Variants in NTN1 observed in about 807,000 individuals in gnomAD.
NTN1 encodes netrin 1.
NTN1 carries 11 observed loss-of-function variants against 54.2 expected under a neutral mutation model. The ratio of observed to expected loss-of-function variants is 0.20; its 90% confidence interval spans 0.13 to 0.34. The LOEUF (loss-of-function observed/expected upper bound fraction) is 0.34, where lower values mean the gene tolerates loss of function less well. Among genes scored for constraint, NTN1 ranks in the 10% least tolerant of loss-of-function variants. The probability of loss-of-function intolerance (pLI) is 1.00; values close to 1 mark genes in which losing one functional copy is unlikely to be tolerated. For missense variants in NTN1, 740 were observed against 893.1 expected, an observed-to-expected ratio of 0.83 and a Z score of 2.18; for synonymous variants, 371 against 382.0, an observed-to-expected ratio of 0.97 and a Z score of 0.33.
At position 9,239,951 on chromosome 17, in the gene NTN1, A is replaced by G; in HGVS notation, c.1798A>G (p.Lys600Glu). 3 of 1,222,152 alleles carry G rather than the reference A, an allele frequency of 2.5e-6. No homozygotes were observed. The highest frequency in any genetic ancestry group is 2.5e-5 in the South Asian group (2 of 80,906). The allele number at this position is 1,222,152 out of a possible 1,614,324, so 75.7% of individuals were successfully genotyped here. A position where few individuals can be genotyped will look rare whatever the true frequency, so the allele number is the denominator to read the frequency against. Residue 600 changes from lysine (K) to glutamate (E), a missense_variant, in exon 7 of 7, where the codon AAG becomes GAG. Coordinates refer to ENST00000173229, the MANE Select transcript of NTN1 (RefSeq NM_004822.3). The surrounding 1 kb of genome is among the most constrained non-coding windows in gnomAD (Gnocchi z 5.2). ...RKFQQREKKGKCKKA is the reference protein window; with the variant it reads ...RKFQQREKKGECKKA The stretch of plus-strand genomic sequence containing the variant: ...GTTCCAGCAGCGTGAGAAGAAGGGC[A>G]AGTGCAAGAAGGCCTAGCGCCGAGG...
At chr17:9,226,413 TGGGGAGGCGGTCTC>T (rs1277409916) in intron 6 of NTN1, among the ~76,000 whole-genome samples, 3 of 144,492 alleles carry the variant, frequency 2.1e-5, no homozygotes, top group African/African-American at 7.8e-5. Context: ...GTGGGGGCCG[TGGGGAGGCGGTCTC>T]GTGGGGAGGC....
At chr17:9,091,993 C>T (rs956802630) in intron 2 of NTN1, among the ~76,000 whole-genome samples, 3 of 150,376 alleles carry the variant, frequency 2.0e-5, no homozygotes, top group East Asian at 2.0e-4. Flanking sequence ...CGGGTTCAAG[C>T]GATTCTCCTG....
At chr17:9,120,160 C>T (rs1343776932) in intron 2 of NTN1, among the ~76,000 whole-genome samples, 3 of 151,832 alleles carry the variant, frequency 2.0e-5, no homozygotes, top group Non-Finnish European at 4.4e-5. Flanking sequence ...TGGCGGGCGC[C>T]TGTAGTCCCA....
At chr17:9,200,968 C>G (rs1000471076) in intron 5 of NTN1, among the ~76,000 whole-genome samples, 1 of 152,154 alleles carries the variant, frequency 6.6e-6, no homozygotes, top group Non-Finnish European at 1.5e-5. Context: ...AATGAAGCCT[C>G]AAGTCCAACA....
intron 2 of NTN1, among the ~76,000 whole-genome samples, chr17:9,152,189 G>A (rs905521719): frequency 4.6e-5 from 7 of 152,112 alleles, no homozygotes; most frequent in Non-Finnish European, 8.8e-5. Context: ...AACACTCACC[G>A]CCAAGGTCCA....
At chr17:9,041,779 C>T (rs1052635706) in intron 2 of NTN1, among the ~76,000 whole-genome samples, 3 of 152,058 alleles carry the variant, frequency 2.0e-5, no homozygotes, top group African/African-American at 2.4e-5. Context: ...GAGGCGGAGG[C>T]GGGTGGATCA....
intron 5 of NTN1, among the ~76,000 whole-genome samples, chr17:9,203,591 G>A (rs1035668798): frequency 1.3e-5 from 2 of 151,966 alleles, no homozygotes; most frequent in South Asian, 4.2e-4. Context: ...TTGAGGTCAG[G>A]AGCTTGAGAG....
intron 6 of NTN1, among the ~76,000 whole-genome samples, chr17:9,222,371 G>C (rs536274618): frequency 6.6e-6 from 1 of 152,254 alleles, no homozygotes; most frequent in Non-Finnish European, 1.5e-5. Context: ...AAGGCAGAAC[G>C]ACCTCTCTGT....
At chr17:9,231,937 T>A (rs1298872205) in intron 6 of NTN1, among the ~76,000 whole-genome samples, 1 of 152,008 alleles carries the variant, frequency 6.6e-6, no homozygotes, top group Non-Finnish European at 1.5e-5. Flanking sequence ...TGCTCCACCC[T>A]CCTACTGGGT....
chr17:9,176,743 T>C (rs1207844622), intron 3 of NTN1: 3 of 152,220 alleles, frequency 2.0e-5, no homozygotes, highest in Admixed American at 6.5e-5. Context: ...TATTATAAGA[T>C]AGGAGCTTAT....
At chr17:9,215,386 A>G (rs1199949502) in intron 5 of NTN1, among the ~76,000 whole-genome samples, 1 of 152,158 alleles carries the variant, frequency 6.6e-6, no homozygotes, top group East Asian at 1.9e-4. Flanking sequence ...TAAGAACCAA[A>G]TTTGGCATCT....
chr17:9,116,255 G>T (rs2092211832), intron 2 of NTN1, among the ~76,000 whole-genome samples: 1 of 152,206 alleles, frequency 6.6e-6, no homozygotes, highest in Non-Finnish European at 1.5e-5. Flanking sequence ...TGGTGGGGTA[G>T]GCAGAGCCCC....
In NTN1 at chr17:9,221,147, T is replaced by TGGGGG; in HGVS notation, c.1412-21_1412-20insGGGGG. 7 of 1,303,772 alleles carry TGGGGG rather than the reference T, an allele frequency of 5.4e-6. No homozygotes were observed. Among genetic ancestry groups the TGGGGG allele is most frequent in the African/African-American group, 1.7e-5 (1 of 57,724 alleles). 80.8% of individuals were successfully genotyped at this position (1,303,772 alleles called of 1,614,324 possible). On this transcript the variant is annotated intron_variant, in intron 5 of 6. Coordinates refer to ENST00000173229, the MANE Select transcript of NTN1 (RefSeq NM_004822.3). The surrounding 1 kb of genome is among the most constrained non-coding windows in gnomAD (Gnocchi z 4.5). The stretch of plus-strand genomic sequence containing the variant: ...CAGCCTAATTAGTTTTTGTCTGTGC[T>TGGGGG]CCCCCCCCACCCCCCTGCAGACTGC...
chr17:9,188,285 G>A (rs1016389871), intron 5 of NTN1, among the ~76,000 whole-genome samples: 1 of 151,992 alleles, frequency 6.6e-6, no homozygotes, highest in African/African-American at 2.4e-5. Flanking sequence ...AAAATTAGCT[G>A]GATGTGGTGG....
At chr17:9,163,474 C>T (rs1048011168) in intron 3 of NTN1, among the ~76,000 whole-genome samples, 10 of 52,124 alleles carry the variant, frequency 1.9e-4, no homozygotes, top group African/African-American at 4.6e-4. Flanking sequence ...CACTCCCCCC[C>T]GAAACACACA....
intron 6 of NTN1, among the ~76,000 whole-genome samples, chr17:9,234,934 G>A (rs1433560548): frequency 6.6e-6 from 1 of 150,706 alleles, no homozygotes; most frequent in Non-Finnish European, 1.5e-5. Context: ...CTAATTTGTT[G>A]GGTTTTTTTT....
At position 9,243,621 on chromosome 17, in the gene NTN1, C is replaced by CCTTGCCAAA. The variant is rs1231731473; in HGVS notation, c.*3654_*3662dup. 2.6e-5 allele frequency: 4 copies of CCTTGCCAAA among 152,130 alleles called. No individual in the cohort carries two copies. Among genetic ancestry groups the CCTTGCCAAA allele is most frequent in the Non-Finnish European group, 5.9e-5 (4 of 68,046 alleles). 9.4% of individuals were successfully genotyped at this position (152,130 alleles called of 1,614,324 possible). A position where few individuals can be genotyped will look rare whatever the true frequency, so the allele number is the denominator to read the frequency against. On this transcript the variant is annotated 3_prime_UTR_variant, in exon 7 of 7. Transcript: ENST00000173229. ...AAATGTGTACTTGTGGGGTCTCGCCCCTTGCCAAAAGCCAAACCAGTCCCA... is the reference window on the plus strand; with the variant it reads ...AAATGTGTACTTGTGGGGTCTCGCCCCTTGCCAAACTTGCCAAAAGCCAAACCAGTCCCA...
At chr17:9,229,140 CTGTGGCTGTT>C (rs1405845289) in intron 6 of NTN1, among the ~76,000 whole-genome samples, 1 of 144,572 alleles carries the variant, frequency 6.9e-6, no homozygotes, top group Non-Finnish European at 1.5e-5. Flanking sequence ...GAGTGTGTGA[CTGTGGCTGTT>C]TGTGACTGTG....
intron 3 of NTN1, among the ~76,000 whole-genome samples, chr17:9,166,156 C>T (rs2092372446): frequency 2.0e-4 from 1 of 5,034 alleles, no homozygotes; most frequent in Admixed American, 1.5e-3. Flanking sequence ...CCTTCCACCA[C>T]CACCACCACC....
Sources: allele counts gnomAD v4.1 joint callset (sites outside exome capture counted in the v4.1 genomes callset), GRCh38; gene constraint gnomAD v4.1.1; non-coding constraint Gnocchi (gnomAD v3.1); transcripts MANE v1.5; gene names NCBI Gene and HGNC (gene_info 2026-07-23, HGNC 2026-07-21).